Variants in IL16 observed in about 807,000 individuals in gnomAD.
The protein encoded by IL16 is pro-interleukin-16.
Under a neutral mutation model 110.1 loss-of-function variants are expected in IL16, and 67 were observed. The ratio of observed to expected loss-of-function variants is 0.61; its 90% confidence interval spans 0.50 to 0.75. The LOEUF is 0.75. IL16 is among the 30% of genes least tolerant of loss of function. The pLI is 0.00. For synonymous variants in IL16, 689 were observed against 662.9 expected (o/e 1.04, Z -0.61); for missense variants, 1,545 against 1,655.0 (o/e 0.93, Z 1.15).
chr15:81,293,147 C>A, intron 12 of IL16, 110 bp downstream of exon 12: 1 of 1,196,356 alleles, frequency 8.4e-7, no homozygotes, highest in Non-Finnish European at 1.2e-6. Context: ...GTTTCTCCTG[C>A]TCCACCAGAG....
intron 3 of IL16, among the ~76,000 whole-genome samples, chr15:81,264,344 G>A (rs943289326): frequency 1.2e-4 from 19 of 152,100 alleles, no homozygotes; most frequent in African/African-American, 4.3e-4. Flanking sequence ...GGCCCCGATG[G>A]ACCAAAACCT....
intron 11 of IL16, chr15:81,292,085 C>T (rs1899746738): frequency 2.7e-5 from 11 of 407,368 alleles, no homozygotes; most frequent in South Asian, 1.9e-4. Context: ...TCAGCCAAGC[C>T]CTGGAGCTCT....
chr15:81,275,992 G>A (rs1027922861), intron 6 of IL16, among the ~76,000 whole-genome samples: 2 of 152,168 alleles, frequency 1.3e-5, no homozygotes, highest in African/African-American at 4.8e-5. Flanking sequence ...GGGCTGTGTG[G>A]CCCCAGTAAG....
At chr15:81,284,741 G>A (rs1335407186) in intron 9 of IL16, among the ~76,000 whole-genome samples, 1 of 152,102 alleles carries the variant, frequency 6.6e-6, no homozygotes, top group Non-Finnish European at 1.5e-5. Context: ...TGCAAACTGG[G>A]GCCTATCACT....
At chr15:81,196,010 G>T (rs1431870048), upstream of IL16, among the ~76,000 whole-genome samples, 1 of 152,218 alleles carries the variant, frequency 6.6e-6, no homozygotes, top group Non-Finnish European at 1.5e-5. Flanking sequence ...ACCTGAGCAC[G>T]CACCAAAATC....
At chr15:81,251,347 T>C (rs1897762110) in intron 2 of IL16, among the ~76,000 whole-genome samples, 2 of 152,138 alleles carry the variant, frequency 1.3e-5, no homozygotes, top group South Asian at 4.1e-4. Flanking sequence ...TTAAAAACTT[T>C]GTAGAGATGG....
intron 2 of IL16, among the ~76,000 whole-genome samples, chr15:81,227,305 A>G (rs1423201256): frequency 2.0e-5 from 3 of 152,208 alleles, no homozygotes; most frequent in South Asian, 4.1e-4. Flanking sequence ...ATGAAGACAT[A>G]TTAAGCAGGA....
chr15:81,231,836 T>G (rs1896999429), intron 2 of IL16, among the ~76,000 whole-genome samples: 1 of 152,162 alleles, frequency 6.6e-6, no homozygotes, highest in African/African-American at 2.4e-5. Flanking sequence ...TCAACACCAT[T>G]TTTTGGAAAT....
chr15:81,187,971 G>T (rs1895442088), intron 1 of IL16, among the ~76,000 whole-genome samples: 1 of 152,192 alleles, frequency 6.6e-6, no homozygotes. Flanking sequence ...GTTAGAAACA[G>T]GCCAGGGAAG....
intron 1 of IL16, among the ~76,000 whole-genome samples, chr15:81,199,030 A>AAATATAT (rs1555411597): frequency 9.6e-6 from 1 of 104,202 alleles, no homozygotes; most frequent in East Asian, 3.1e-4. Context: ...AAAAAAAAAA[A>AAATATAT]ATATATATAT....
intron 6 of IL16, among the ~76,000 whole-genome samples, chr15:81,275,173 C>G (rs963279647): frequency 6.6e-6 from 1 of 151,216 alleles, no homozygotes; most frequent in African/African-American, 2.4e-5. Flanking sequence ...GAAGGCAAAC[C>G]AGGATGTGTA....
rs1567008730 is a variant in IL16 at position 81,231,366 on chromosome 15, CTCTCT to C, written c.312+5656_312+5660del. 2.5e-4 allele frequency among the ~76,000 whole-genome samples: 36 copies of C among 145,308 alleles called. 1 individual carries two copies. Among genetic ancestry groups the C allele is most frequent in the African/African-American group, 9.5e-4 (36 of 37,930 alleles). On this transcript the variant is annotated intron_variant, in intron 2 of 18. Coordinates refer to ENST00000683961, the MANE Select transcript of IL16 (RefSeq NM_172217.5). Reference sequence around the variant, plus strand: ...TCTCTCTCTCTCTCTCTCTCTCTCTCTCTCTCTCTCTCTCTCCCTCTCTTAAGACA... The same window carrying C: ...TCTCTCTCTCTCTCTCTCTCTCTCTCCTCTCTCTCTCCCTCTCTTAAGACA...
In IL16 at chr15:81,313,122, A is replaced by G; in HGVS notation, c.*4324A>G. 1 of 1,111,538 alleles carries G rather than the reference A, an allele frequency of 9.0e-7. No individual in the cohort carries two copies. The highest frequency in any genetic ancestry group is 1.2e-6 in the Non-Finnish European group (1 of 826,280). The allele number at this position is 1,111,538 out of a possible 1,614,324, so 68.9% of individuals were successfully genotyped here. On this transcript the variant is annotated 3_prime_UTR_variant, in exon 19 of 19. Coordinates refer to ENST00000683961, the MANE Select transcript of IL16 (RefSeq NM_172217.5). ...GCTGCCGCCTCTGGTTGGCATTCTC[A>G]GAGATGCGCAGTCCATCAGCTTGTT...
intron 2 of IL16, among the ~76,000 whole-genome samples, chr15:81,255,053 C>T (rs1479758658): frequency 6.6e-6 from 1 of 152,166 alleles, no homozygotes; most frequent in African/African-American, 2.4e-5. Flanking sequence ...GGTCTCATGA[C>T]CCTTTCCCTA....
intron 1 of IL16, among the ~76,000 whole-genome samples, chr15:81,202,173 C>T (rs77934270): frequency 0.011 from 1,633 of 152,302 alleles, 32 homozygotes; most frequent in African/African-American, 0.038. Context: ...AGAGGCCATT[C>T]GCCAAGCTAG....
intron 2 of IL16, among the ~76,000 whole-genome samples, chr15:81,240,780 GAGTAGA>G (rs1234826256): frequency 6.6e-6 from 1 of 151,830 alleles, no homozygotes; most frequent in Non-Finnish European, 1.5e-5. Context: ...TTTAATCGAT[GAGTAGA>G]AGTTCCTAAC....
At chr15:81,283,863 T>C (rs1899310089) in intron 9 of IL16, among the ~76,000 whole-genome samples, 1 of 151,892 alleles carries the variant, frequency 6.6e-6, no homozygotes, top group African/African-American at 2.4e-5. Context: ...ATTAGCCAAG[T>C]GTGGTGGCAC....
chr15:81,215,728 C>T (rs551978075), intron 1 of IL16, among the ~76,000 whole-genome samples: 15 of 152,276 alleles, frequency 9.9e-5, no homozygotes, highest in African/African-American at 3.6e-4. Context: ...CACCCTGGCC[C>T]GGGAACCCAT....
At position 81,299,607 on chromosome 15, in the gene IL16, C is replaced by G; in HGVS notation, c.2281C>G (p.Leu761Val). The stretch of plus-strand genomic sequence containing the variant: ...CCACCCAGATGGGACCCCACCAAAG[C>G]TGGACACCGCCAATGGCACTCCCAA... ...QGHPDGTPPKLDTANGTPKVY... is the reference protein window; with the variant it reads ...QGHPDGTPPKVDTANGTPKVY... The change falls in exon 14 of 19, where the codon CTG (leucine) becomes GTG (valine). Residue 761 changes from leucine to valine, a missense_variant. By Grantham distance (32) the Leu-to-Val change is conservative. This residue lies in a region of IL16 where 1,185 missense variants were observed against 1,238.8 expected (regional missense o/e 0.96). Coordinates refer to ENST00000683961, the MANE Select transcript of IL16 (RefSeq NM_172217.5). 3 of 1,614,214 alleles carry G rather than the reference C, an allele frequency of 1.9e-6. No homozygotes were observed. Among genetic ancestry groups the G allele is most frequent in the South Asian group, 2.2e-5 (2 of 91,092 alleles).
Sources: gnomAD v4.1 joint callset for allele counts (sites outside exome capture counted in the v4.1 genomes callset) on GRCh38, gnomAD v4.1.1 for gene constraint, gnomAD v4.1.1 regional missense constraint, MANE v1.5 for transcripts, NCBI Gene and HGNC (gene_info 2026-07-23, HGNC 2026-07-21) for gene names.